SMARCB1: variants seen among roughly 807,000 people sequenced by gnomAD.
The protein encoded by SMARCB1 is SWI/SNF-related matrix-associated actin-dependent regulator of chromatin subfamily B member 1.
Under a neutral mutation model 49.0 loss-of-function variants are expected in SMARCB1, and 5 were observed. That is an observed-to-expected ratio of 0.10 (90% CI 0.05 to 0.21). The LOEUF is 0.21. Among genes scored for constraint, SMARCB1 ranks in the 10% least tolerant of loss-of-function variants. The probability of loss-of-function intolerance (pLI) is 1.00; values close to 1 mark genes in which losing one functional copy is unlikely to be tolerated. For missense variants in SMARCB1, 226 were observed against 509.2 expected (o/e 0.44, Z 5.35); for synonymous variants, 201 against 200.1 (o/e 1.00, Z -0.04).
In SMARCB1 at chr22:23,803,538, A is replaced by G. The variant is rs34300355; in HGVS notation, c.628+116A>G. 4.5e-3 allele frequency: 5,562 copies of G among 1,224,082 alleles called. 47 individuals carry two copies. Among genetic ancestry groups the G allele is most frequent in the South Asian group, 0.019 (1,514 of 79,102 alleles). 75.8% of individuals were successfully genotyped at this position (1,224,082 alleles called of 1,614,324 possible). ...AGATTCTGGACCTGACACGCAGGACATCGGGGCATAGTTTTGGAGGGTGTG... is the reference window on the plus strand; with the variant it reads ...AGATTCTGGACCTGACACGCAGGACGTCGGGGCATAGTTTTGGAGGGTGTG... On this transcript the variant is annotated intron_variant, in intron 5 of 8. Transcript: ENST00000644036.
rs764706970 is a variant in SMARCB1, at chr22:23,837,699, G to A, written c.*3519G>A. 6 of 1,613,912 alleles carry A rather than the reference G, an allele frequency of 3.7e-6. No individual in the cohort carries two copies. In the East Asian group the frequency reaches 1.1e-4, roughly 30 times the overall value. ...GGATGGAGTTGCCCAGCAGCAGCGA[G>A]AAGCCCATGAGCGCCCAAGGCAGGA... On this transcript the variant is annotated 3_prime_UTR_variant, in exon 9 of 9. Coordinates refer to ENST00000644036, the MANE Select transcript of SMARCB1 (RefSeq NM_003073.5).
At chr22:23,822,185 T>C (rs1233407033) in intron 6 of SMARCB1, among the ~76,000 whole-genome samples, 1 of 152,248 alleles carries the variant, frequency 6.6e-6, no homozygotes, top group African/African-American at 2.4e-5. Context: ...CAGGCCTGGC[T>C]GCCCTTGCCA....
At chr22:23,798,996 G>T (rs1481349589) in intron 3 of SMARCB1, among the ~76,000 whole-genome samples, 1 of 149,918 alleles carries the variant, frequency 6.7e-6, no homozygotes, top group Admixed American at 6.7e-5. Context: ...CTTGCATTGA[G>T]CCCAGATGGC....
intron 4 of SMARCB1, chr22:23,801,566 G>A (rs1929157220): frequency 2.7e-6 from 1 of 365,998 alleles, no homozygotes; most frequent in South Asian, 2.1e-5. Context: ...TGTGTGGACA[G>A]GGCCATGCTC....
chr22:23,799,519 T>G (rs571581269), intron 3 of SMARCB1, among the ~76,000 whole-genome samples: 35 of 145,332 alleles, frequency 2.4e-4, no homozygotes, highest in African/African-American at 8.1e-4. Context: ...TTGGTTTTTT[T>G]TTTTTTTTTT....
At position 23,833,554 on chromosome 22, in the gene SMARCB1, T is replaced by C. The variant is rs746759459; in HGVS notation, c.987-18T>C. On this transcript the variant is annotated intron_variant, in intron 7 of 8. Transcript: ENST00000644036. Reference sequence around the variant, plus strand: ...TAGCTGGAAAAGTCATTCCTCTCACTGCCTCCCCTCCTCGTAGCGAGAACC... The same window carrying C: ...TAGCTGGAAAAGTCATTCCTCTCACCGCCTCCCCTCCTCGTAGCGAGAACC... 3 of 1,614,056 alleles carry C rather than the reference T, an allele frequency of 1.9e-6. No individual in the cohort carries two copies. Among genetic ancestry groups the C allele is most frequent in the Non-Finnish European group, 2.5e-6 (3 of 1,180,038 alleles).
Position 23,836,718 on chromosome 22 carries a change from C to A in SMARCB1, c.*2538C>A. 1 of 1,344,532 alleles carries A rather than the reference C, an allele frequency of 7.4e-7. No homozygotes were observed. The highest frequency in any genetic ancestry group is 9.5e-7 in the Non-Finnish European group (1 of 1,054,512). The allele number at this position is 1,344,532 out of a possible 1,614,324, so 83.3% of individuals were successfully genotyped here. On this transcript the variant is annotated 3_prime_UTR_variant, in exon 9 of 9. Transcript: ENST00000644036. ...GCCAGGTGAGATGGGGAAGCCAGTG[C>A]TGTGGGCCAAGAGACTGCAGCTCAT...
At chr22:23,799,120 C>T (rs958320772) in intron 3 of SMARCB1, among the ~76,000 whole-genome samples, 2 of 151,324 alleles carry the variant, frequency 1.3e-5, no homozygotes, top group African/African-American at 2.4e-5. Flanking sequence ...GAAGTGGTTG[C>T]GCAGGTGTTG....
intron 7 of SMARCB1, among the ~76,000 whole-genome samples, chr22:23,829,823 C>T (rs557616008): frequency 1.1e-4 from 16 of 152,294 alleles, no homozygotes; most frequent in South Asian, 2.1e-4. Flanking sequence ...CGTTCCTCCC[C>T]GCTGTCTCTC....
At chr22:23,826,698 A>T (rs2030398589) in intron 7 of SMARCB1, among the ~76,000 whole-genome samples, 1 of 152,244 alleles carries the variant, frequency 6.6e-6, no homozygotes, top group Non-Finnish European at 1.5e-5. Flanking sequence ...CAATTAATGG[A>T]GCTCGTTAGG....
At chr22:23,809,278 T>A (rs1929717083) in intron 5 of SMARCB1, among the ~76,000 whole-genome samples, 1 of 148,684 alleles carries the variant, frequency 6.7e-6, no homozygotes, top group South Asian at 2.1e-4. Flanking sequence ...GGACATTCTT[T>A]TTTTTTTTTT....
At chr22:23,818,550 G>C (rs1716953595) in intron 6 of SMARCB1, 1 of 152,168 alleles carries the variant, frequency 6.6e-6, no homozygotes, top group Non-Finnish European at 1.5e-5. Flanking sequence ...TTCAGTGGCA[G>C]TATATTCACA....
At chr22:23,820,461 C>A (rs922513936) in intron 6 of SMARCB1, among the ~76,000 whole-genome samples, 1 of 152,158 alleles carries the variant, frequency 6.6e-6, no homozygotes, top group African/African-American at 2.4e-5. Context: ...GTAATCCCAG[C>A]TACTCAGGAG....
chr22:23,787,960 G>A (rs1329498528), intron 1 of SMARCB1, among the ~76,000 whole-genome samples: 1 of 152,202 alleles, frequency 6.6e-6, no homozygotes, highest in Non-Finnish European at 1.5e-5. Flanking sequence ...GCTGCATTTT[G>A]TTGCATCAAC....
chr22:23,803,269 G>A lies in SMARCB1; in HGVS notation c.501-26G>A, dbSNP rs868322225. 5 of 1,614,022 alleles carry A rather than the reference G, an allele frequency of 3.1e-6. No homozygotes were observed. The Middle Eastern group carries it at 8.2e-4, about 266-fold the overall frequency. ...TACCTAGGGCTCCGGCCCCCTCGCT[G>A]ACTGTTGCTTCCATTTCACTTTCAG... is the stretch of plus-strand genomic sequence containing the variant. On this transcript the variant is annotated intron_variant, in intron 4 of 8. Coordinates refer to ENST00000644036, the MANE Select transcript of SMARCB1 (RefSeq NM_003073.5).
At chr22:23,833,505 AGCT>A in intron 7 of SMARCB1, 64 bp from the exon 8 acceptor site, 1 of 1,609,270 alleles carries the variant, frequency 6.2e-7, no homozygotes, top group Non-Finnish European at 8.5e-7. Context: ...CAGGGGCCAA[AGCT>A]TTCTGAGGAT....
In SMARCB1 at chr22:23,837,801, C is replaced by G; in HGVS notation, c.*3621C>G. The G allele has an allele frequency of 6.2e-7, 1 of 1,613,830 alleles. No individual in the cohort carries two copies. The highest frequency in any genetic ancestry group is 1.7e-4 in the Middle Eastern group (1 of 6,054). ...TGCGGCGGCTCCACACGTACACCAGCATGGCCATGAGGGCCTGGCCCAGGA... is the reference window on the plus strand; with the variant it reads ...TGCGGCGGCTCCACACGTACACCAGGATGGCCATGAGGGCCTGGCCCAGGA... On this transcript the variant is annotated 3_prime_UTR_variant, in exon 9 of 9. Transcript: ENST00000644036.
rs2031169410 is a variant in SMARCB1, at chr22:23,837,498, G to A, written c.*3318G>A. The A allele has an allele frequency of 6.5e-6, 5 of 766,184 alleles. No homozygotes were observed. The highest frequency in any genetic ancestry group is 1.0e-5 in the Non-Finnish European group (5 of 482,082). 47.5% of individuals were successfully genotyped at this position (766,184 alleles called of 1,614,324 possible). ...AAATTATGTGGGCCGGCTGGCTTGA[G>A]GGGCTGTAAGAGCACAGCAGCTGGG... On this transcript the variant is annotated 3_prime_UTR_variant, in exon 9 of 9. Coordinates refer to ENST00000644036, the MANE Select transcript of SMARCB1 (RefSeq NM_003073.5).
chr22:23,817,025 C>A, intron 6 of SMARCB1, 89 bp downstream of exon 6: 2 of 1,050,766 alleles, frequency 1.9e-6, no homozygotes, highest in Non-Finnish European at 1.4e-6. Context: ...AAGGCCTCAG[C>A]AGAAGCCCGT....
Sources: allele counts gnomAD v4.1 joint callset (sites outside exome capture counted in the v4.1 genomes callset), GRCh38; gene constraint gnomAD v4.1.1; transcripts MANE v1.5; gene names NCBI Gene and HGNC (gene_info 2026-07-23, HGNC 2026-07-21).